Variants in GUCY1A2 observed in about 807,000 individuals in gnomAD.
GUCY1A2 encodes the protein guanylate cyclase soluble subunit alpha-2.
In GUCY1A2, 27 loss-of-function variants were observed where a neutral mutation model predicts 63.5. That is an observed-to-expected ratio of 0.43 (90% CI 0.31 to 0.59). The LOEUF (loss-of-function observed/expected upper bound fraction) is 0.59, where lower values mean the gene tolerates loss of function less well. GUCY1A2 is among the 20% of genes least tolerant of loss of function. GUCY1A2 has a pLI of 0.11. For synonymous variants in GUCY1A2, 364 were observed against 343.5 expected (o/e 1.06, Z -0.66); for missense variants, 768 against 913.3 (o/e 0.84, Z 2.05).
At chr11:106,708,428 A>G (rs1297469857) in intron 7 of GUCY1A2, 84 bp downstream of exon 7, 4 of 1,091,310 alleles carry the variant, frequency 3.7e-6, no homozygotes, top group Non-Finnish European at 5.3e-6. Flanking sequence ...CAGGATCAAG[A>G]AAAAGAACAG....
intron 3 of GUCY1A2, among the ~76,000 whole-genome samples, chr11:106,948,212 C>T (rs970142071): frequency 3.6e-4 from 54 of 152,086 alleles, no homozygotes; most frequent in Non-Finnish European, 6.8e-4. Context: ...TCACTCAATT[C>T]TTTTTATTAA....
rs186263608 is a variant in GUCY1A2, at chr11:106,886,907, G to A, written c.1206+52553C>T. 1.0e-3 allele frequency among the ~76,000 whole-genome samples: 155 copies of A among 152,108 alleles called. 1 individual carries two copies. Among genetic ancestry groups the A allele is most frequent in the African/African-American group, 3.4e-3 (141 of 41,506 alleles). On this transcript the variant is annotated intron_variant, in intron 4 of 7. Coordinates refer to ENST00000526355, the MANE Select transcript of GUCY1A2 (RefSeq NM_000855.3). Reference sequence around the variant, plus strand: ...ATAATAATTCTGGGTTGCTAAGGGCGCACTTTTATTCCTCCTCTGCATGCA... The same window carrying A: ...ATAATAATTCTGGGTTGCTAAGGGCACACTTTTATTCCTCCTCTGCATGCA...
chr11:106,724,492 A>C (rs1454472000), intron 6 of GUCY1A2, among the ~76,000 whole-genome samples: 1 of 152,066 alleles, frequency 6.6e-6, no homozygotes, highest in African/African-American at 2.4e-5. Context: ...AAGTGCCTTT[A>C]TCCTGTTTAC....
At chr11:106,897,847 T>G (rs976627663) in intron 4 of GUCY1A2, among the ~76,000 whole-genome samples, 8 of 151,870 alleles carry the variant, frequency 5.3e-5, no homozygotes, top group Non-Finnish European at 1.0e-4. Context: ...TTAAAAAAAT[T>G]GATGAACTTG....
intron 4 of GUCY1A2, among the ~76,000 whole-genome samples, chr11:106,815,530 T>C (rs903604971): frequency 6.7e-6 from 1 of 149,532 alleles, no homozygotes; most frequent in Admixed American, 6.7e-5. Context: ...TAAAAAAGAA[T>C]GGCTAAAGAA....
At chr11:106,773,590 G>A (rs1422273711) in intron 6 of GUCY1A2, among the ~76,000 whole-genome samples, 1 of 152,178 alleles carries the variant, frequency 6.6e-6, no homozygotes, top group East Asian at 1.9e-4. Context: ...ACTTTACCAG[G>A]TGATGCCAAG....
intron 1 of GUCY1A2, among the ~76,000 whole-genome samples, chr11:107,010,975 C>T (rs1311490693): frequency 6.6e-6 from 1 of 152,198 alleles, no homozygotes; most frequent in African/African-American, 2.4e-5. Context: ...GGCAATCCAT[C>T]TGCCTCAGCC....
intron 4 of GUCY1A2, among the ~76,000 whole-genome samples, chr11:106,862,736 AT>A (rs1859530782): frequency 6.7e-6 from 1 of 148,304 alleles, no homozygotes; most frequent in Non-Finnish European, 1.5e-5. Context: ...TTCTCTGCAA[AT>A]TGAATTTAAG....
At chr11:106,925,808 C>A (rs1565333662) in intron 4 of GUCY1A2, among the ~76,000 whole-genome samples, 1 of 151,968 alleles carries the variant, frequency 6.6e-6, no homozygotes, top group Non-Finnish European at 1.5e-5. Flanking sequence ...TATGCCATTC[C>A]AAGAAAAATC....
intron 4 of GUCY1A2, among the ~76,000 whole-genome samples, chr11:106,860,978 AAGG>A (rs1057348899): frequency 2.6e-5 from 4 of 151,790 alleles, no homozygotes; most frequent in African/African-American, 4.8e-5. Flanking sequence ...AAATTTTAAG[AAGG>A]AGGAGGAGGA....
Position 106,832,971 on chromosome 11 carries a change from G to A in GUCY1A2, c.1207-22493C>T, listed in dbSNP as rs12285116. On this transcript the variant is annotated intron_variant, in intron 4 of 7. Transcript: ENST00000526355. ...TGTAAGGAAGTATCACGAATTGAGT[G>A]GCTTACACAACAGAAATTTACTGCC... is the stretch of plus-strand genomic sequence containing the variant. 9.2e-3 allele frequency among the ~76,000 whole-genome samples: 1,405 copies of A among 152,106 alleles called. 17 individuals are homozygous for A. The highest frequency in any genetic ancestry group is 0.032 in the African/African-American group (1,308 of 41,482).
intron 4 of GUCY1A2, among the ~76,000 whole-genome samples, chr11:106,837,578 C>T (rs1859134433): frequency 6.6e-6 from 1 of 151,986 alleles, no homozygotes; most frequent in African/African-American, 2.4e-5. Flanking sequence ...ACACTGCTTT[C>T]CACATAACTA....
At chr11:107,017,315 G>A (rs1427194181) in intron 1 of GUCY1A2, among the ~76,000 whole-genome samples, 1 of 152,162 alleles carries the variant, frequency 6.6e-6, no homozygotes, top group African/African-American at 2.4e-5. Flanking sequence ...AGGAGAGGAA[G>A]GGTTTCCTGG....
intron 3 of GUCY1A2, among the ~76,000 whole-genome samples, chr11:106,941,886 T>C (rs960360041): frequency 6.6e-6 from 1 of 152,194 alleles, no homozygotes; most frequent in African/African-American, 2.4e-5. Flanking sequence ...AAGCATTTCA[T>C]ATTCATTTTG....
At chr11:106,955,927 G>T (rs1322471347) in intron 3 of GUCY1A2, among the ~76,000 whole-genome samples, 1 of 151,788 alleles carries the variant, frequency 6.6e-6, no homozygotes, top group South Asian at 2.1e-4. Context: ...TCTCCTTCTG[G>T]TACTCCAATC....
intron 4 of GUCY1A2, among the ~76,000 whole-genome samples, chr11:106,841,875 T>C (rs1421351613): frequency 2.6e-5 from 4 of 151,958 alleles, no homozygotes; most frequent in Non-Finnish European, 5.9e-5. Context: ...TACCTTTTTT[T>C]TCCTATTTAC....
chr11:106,986,064 A>C lies in GUCY1A2; in HGVS notation c.365+6T>G. Reference sequence around the variant, plus strand: ...CCAATAATAACCGAAATCAATTTTTACTTACCCAATAACTTGATGTTCATA... The same window carrying C: ...CCAATAATAACCGAAATCAATTTTTCCTTACCCAATAACTTGATGTTCATA... On this transcript the variant is annotated splice_donor_region_variant and intron_variant, in intron 2 of 7. Coordinates refer to ENST00000526355, the MANE Select transcript of GUCY1A2 (RefSeq NM_000855.3). The C allele has an allele frequency of 7.3e-7, 1 of 1,367,760 alleles. No individual in the cohort carries two copies. Among genetic ancestry groups the C allele is most frequent in the South Asian group, 1.2e-5 (1 of 85,870 alleles). 84.7% of individuals were successfully genotyped at this position (1,367,760 alleles called of 1,614,324 possible).
At chr11:106,899,363 T>A (rs1860094835) in intron 4 of GUCY1A2, among the ~76,000 whole-genome samples, 1 of 152,178 alleles carries the variant, frequency 6.6e-6, no homozygotes, top group Admixed American at 6.5e-5. Flanking sequence ...CTAAAGAATA[T>A]ATCCTTAAAT....
At chr11:107,003,448 C>T (rs569177950) in intron 1 of GUCY1A2, among the ~76,000 whole-genome samples, 39 of 152,158 alleles carry the variant, frequency 2.6e-4, no homozygotes, top group Middle Eastern at 6.8e-3. Context: ...CCTAATTCTC[C>T]GTTGTTCTTA....
Sources: allele counts gnomAD v4.1 joint callset (sites outside exome capture counted in the v4.1 genomes callset), GRCh38; gene constraint gnomAD v4.1.1; transcripts MANE v1.5; gene names NCBI Gene and HGNC (gene_info 2026-07-23, HGNC 2026-07-21).